Variants in WIPI1 observed in about 807,000 individuals in gnomAD.
WIPI1 encodes WD repeat domain phosphoinositide-interacting protein 1.
WIPI1 carries 45 observed loss-of-function variants against 55.3 expected under a neutral mutation model. The observed-to-expected ratio is 0.81, with a 90% confidence interval of 0.64 to 1.04. The LOEUF (loss-of-function observed/expected upper bound fraction) is 1.04. WIPI1 is among the 50% of genes least tolerant of loss of function. The pLI is 0.00. For synonymous variants in WIPI1, 195 were observed against 217.6 expected, an observed-to-expected ratio of 0.90 and a Z score of 0.92; for missense variants, 445 against 559.0, an observed-to-expected ratio of 0.80 and a Z score of 2.06.
intron 9 of WIPI1, among the ~76,000 whole-genome samples, chr17:68,429,278 G>C (rs1600280424): frequency 6.6e-6 from 1 of 152,190 alleles, no homozygotes; most frequent in Admixed American, 6.5e-5. Context: ...AGACAGAAAG[G>C]GGGTAAATGG....
At chr17:68,441,200 C>T (rs1358382947) in intron 4 of WIPI1, 1 of 152,222 alleles carries the variant, frequency 6.6e-6, no homozygotes, top group Non-Finnish European at 1.5e-5. Context: ...AGGAAATTAA[C>T]TTCGAGCCCC....
At chr17:68,446,503 C>A (rs1690433849) in intron 3 of WIPI1, among the ~76,000 whole-genome samples, 1 of 152,134 alleles carries the variant, frequency 6.6e-6, no homozygotes, top group African/African-American at 2.4e-5. Context: ...TTACCTAAGG[C>A]TCTGTCGTAG....
At chr17:68,426,251 G>GGGGGGC in intron 11 of WIPI1, 76 bp from the exon 12 acceptor site, 1 of 825,460 alleles carries the variant, frequency 1.2e-6, no homozygotes, top group South Asian at 1.3e-5. Context: ...GTGGGGAGCG[G>GGGGGGC]GGGCTCAAAT....
chr17:68,453,224 G>C (rs1012283952), intron 1 of WIPI1, among the ~76,000 whole-genome samples: 1 of 152,120 alleles, frequency 6.6e-6, no homozygotes, highest in African/African-American at 2.4e-5. Flanking sequence ...AAATGATCAA[G>C]GGGCATGAAA....
At chr17:68,456,484 G>C (rs1338230817) in intron 1 of WIPI1, among the ~76,000 whole-genome samples, 1 of 142,284 alleles carries the variant, frequency 7.0e-6, no homozygotes, top group African/African-American at 2.6e-5. Flanking sequence ...CCCAGGGCTC[G>C]CTTCCATGAA....
intron 7 of WIPI1, among the ~76,000 whole-genome samples, 186 bp from the exon 8 acceptor site, chr17:68,433,761 T>G (rs906612859): frequency 2.8e-3 from 17 of 6,090 alleles, no homozygotes; most frequent in African/African-American, 0.014. Context: ...AGGGTCATAG[T>G]TTTTTTTTTT....
At chr17:68,445,725 C>T (rs1179726738) in intron 3 of WIPI1, among the ~76,000 whole-genome samples, 1 of 152,196 alleles carries the variant, frequency 6.6e-6, no homozygotes. Flanking sequence ...AACGCATAGC[C>T]CAGTACAAGG....
At chr17:68,435,549 A>C (rs1219230872) in intron 6 of WIPI1, 71 bp downstream of exon 6, 1 of 1,482,346 alleles carries the variant, frequency 6.7e-7, no homozygotes, top group African/African-American at 1.4e-5. Flanking sequence ...GGTTTGTTCA[A>C]TCCCATCCCT....
At chr17:68,424,075 G>A (rs1191674838) in intron 12 of WIPI1, among the ~76,000 whole-genome samples, 1 of 152,176 alleles carries the variant, frequency 6.6e-6, no homozygotes, top group Non-Finnish European at 1.5e-5. Flanking sequence ...TCTTGAGGGT[G>A]CAGAAGAACG....
intron 11 of WIPI1, 79 bp from the exon 12 acceptor site, chr17:68,426,254 G>GGGCCCCCCCCCCCCCC: frequency 2.4e-6 from 2 of 816,872 alleles, no homozygotes; most frequent in East Asian, 3.5e-5. Context: ...GGGAGCGGGG[G>GGGCCCCCCCCCCCCCC]CTCAAATAAA....
At chr17:68,444,618 C>T (rs372918150) in intron 3 of WIPI1, 29 bp from the exon 4 acceptor site, 15 of 1,583,146 alleles carry the variant, frequency 9.5e-6, no homozygotes, top group South Asian at 4.5e-5. Context: ...ATCAGTCTAC[C>T]GAACCGTTCC....
At chr17:68,428,778 T>C in intron 10 of WIPI1, 51 bp downstream of exon 10, 1 of 1,439,698 alleles carries the variant, frequency 6.9e-7, no homozygotes, top group Non-Finnish European at 9.8e-7. Flanking sequence ...AAGGGACAAC[T>C]CTACACGACC....
intron 11 of WIPI1, 84 bp from the exon 12 acceptor site, chr17:68,426,259 A>G (rs1178980950): frequency 9.7e-7 from 1 of 1,033,424 alleles, no homozygotes; most frequent in African/African-American, 1.6e-5. Context: ...CGGGGGCTCA[A>G]ATAAAGGGCA....
chr17:68,439,589 A>G (rs540520352), intron 4 of WIPI1, among the ~76,000 whole-genome samples: 5 of 152,350 alleles, frequency 3.3e-5, no homozygotes, highest in African/African-American at 9.6e-5. Context: ...AAAGCTATTG[A>G]ACCATGCATT....
intron 12 of WIPI1, chr17:68,424,406 G>C (rs1263900825): frequency 9.4e-6 from 5 of 533,050 alleles, no homozygotes; most frequent in Non-Finnish European, 1.2e-5. Context: ...GGGTTCCACG[G>C]ATCTGCGGGA....
rs2084207862 is a variant in WIPI1 at position 68,444,597 on chromosome 17, C to A, written c.334-8G>T. On this transcript the variant is annotated splice_region_variant and splice_polypyrimidine_tract_variant and intron_variant, in intron 3 of 12. Coordinates refer to ENST00000262139, the MANE Select transcript of WIPI1 (RefSeq NM_017983.7). ...TAGGCAAACCAGCAGCCTCTGTAATCACACAGACTTATCAGTCTACCGAAC... is the reference window on the plus strand; with the variant it reads ...TAGGCAAACCAGCAGCCTCTGTAATAACACAGACTTATCAGTCTACCGAAC... The A allele has an allele frequency of 6.2e-7, 1 of 1,610,218 alleles. No individual in the cohort carries two copies. The highest frequency in any genetic ancestry group is 1.3e-5 in the African/African-American group (1 of 74,886).
intron 4 of WIPI1, among the ~76,000 whole-genome samples, chr17:68,438,467 G>A (rs1010653492): frequency 2.3e-4 from 35 of 152,242 alleles, no homozygotes; most frequent in African/African-American, 8.4e-4. Flanking sequence ...TGTCTTGTGT[G>A]CTGGGTTCCC....
intron 4 of WIPI1, among the ~76,000 whole-genome samples, chr17:68,437,014 A>ATG (rs1181984378): frequency 1.2e-5 from 1 of 82,090 alleles, no homozygotes; most frequent in African/African-American, 4.6e-5. Flanking sequence ...AAATATATAT[A>ATG]TATGTGTGTG....
At chr17:68,433,639 A>C in intron 7 of WIPI1, 64 bp from the exon 8 acceptor site, 1 of 1,332,266 alleles carries the variant, frequency 7.5e-7, no homozygotes, top group Admixed American at 1.9e-5. Flanking sequence ...CTTATAACTC[A>C]GAGATCAGCT....
Sources: gnomAD v4.1 joint callset for allele counts (sites outside exome capture counted in the v4.1 genomes callset) on GRCh38, gnomAD v4.1.1 for gene constraint, MANE v1.5 for transcripts, NCBI Gene and HGNC (gene_info 2026-07-23, HGNC 2026-07-21) for gene names.